RIC1: variants seen among roughly 807,000 people sequenced by gnomAD.
RIC1 encodes guanine nucleotide exchange factor subunit RIC1.
In RIC1, 88 loss-of-function variants were observed where a neutral mutation model predicts 169.0. The ratio of observed to expected loss-of-function variants is 0.52; its 90% CI spans 0.44 to 0.62. The LOEUF (loss-of-function observed/expected upper bound fraction) is 0.62. Among genes scored for constraint, RIC1 ranks in the 20% least tolerant of loss-of-function variants. The pLI is 0.00. For synonymous variants in RIC1, 790 were observed against 601.5 expected, an observed-to-expected ratio of 1.31 and a Z score of -4.59; for missense variants, 1,877 against 1,725.5, an observed-to-expected ratio of 1.09 and a Z score of -1.56.
At chr9:5,751,759 GATA>G (rs1657481330) in intron 12 of RIC1, among the ~76,000 whole-genome samples, 2 of 152,280 alleles carry the variant, frequency 1.3e-5, no homozygotes, top group Admixed American at 6.5e-5. Flanking sequence ...TAAAGCACTT[GATA>G]ATAAGTGAAG....
intron 4 of RIC1, among the ~76,000 whole-genome samples, chr9:5,717,288 G>C (rs530783022): frequency 6.6e-6 from 1 of 152,228 alleles, no homozygotes; most frequent in East Asian, 1.9e-4. Context: ...CAGATTACTG[G>C]AGGATAACTC....
chr9:5,686,640 G>T lies in RIC1; in HGVS notation c.253-3319G>T, dbSNP rs1167886294. ...TGGGGACTGTGGTGGGGTGGGGGGAGGGGGGAGGGATAGCACTGGGAGATA... is the reference window on the plus strand; with the variant it reads ...TGGGGACTGTGGTGGGGTGGGGGGATGGGGGAGGGATAGCACTGGGAGATA... On this transcript the variant is annotated intron_variant, in intron 2 of 25. Coordinates refer to ENST00000414202, the MANE Select transcript of RIC1 (RefSeq NM_020829.4). 3.3e-5 allele frequency among the ~76,000 whole-genome samples: 4 copies of T among 122,132 alleles called. No homozygotes were observed. The East Asian group carries it at 1.2e-3, about 36-fold the overall frequency. The allele number at this position is 122,132 out of a possible 152,430, so 80.1% of individuals were successfully genotyped here. A position where few individuals can be genotyped will look rare whatever the true frequency, so the allele number is the denominator to read the frequency against.
chr9:5,737,147 G>A (rs1469564718), intron 7 of RIC1, among the ~76,000 whole-genome samples: 1 of 152,156 alleles, frequency 6.6e-6, no homozygotes, highest in Non-Finnish European at 1.5e-5. Flanking sequence ...AATGCTGAAT[G>A]TGCATTAAAT....
intron 3 of RIC1, among the ~76,000 whole-genome samples, chr9:5,695,593 G>C (rs1279914531): frequency 2.4e-5 from 3 of 125,706 alleles, no homozygotes; most frequent in Non-Finnish European, 3.3e-5. Flanking sequence ...TTTTTTTTGA[G>C]ACAGAGTCTC....
At position 5,763,016 on chromosome 9, in the gene RIC1, C is replaced by A. The variant is rs1173991871; in HGVS notation, c.2113-124C>A. Reference sequence around the variant, plus strand: ...TATTAACTCTAATTCTAATTAGATCCCTTTGCTTTTCCCAAAAAAATATTA... The same window carrying A: ...TATTAACTCTAATTCTAATTAGATCACTTTGCTTTTCCCAAAAAAATATTA... On this transcript the variant is annotated intron_variant, in intron 18 of 25. Transcript: ENST00000414202. The surrounding 1 kb of genome is among the most constrained non-coding windows in gnomAD (Gnocchi z 5.2). The A allele has an allele frequency of 2.7e-6, 3 of 1,130,584 alleles. No individual in the cohort carries two copies. In the African/African-American group the frequency reaches 4.7e-5, roughly 18 times the overall value. The allele number at this position is 1,130,584 out of a possible 1,614,324, so 70.0% of individuals were successfully genotyped here.
chr9:5,744,358 A>G (rs1825259552), intron 10 of RIC1, among the ~76,000 whole-genome samples: 1 of 152,150 alleles, frequency 6.6e-6, no homozygotes. Context: ...ATATATATGT[A>G]TACAGTACCT....
chr9:5,725,303 G>A (rs1419627412), intron 6 of RIC1, among the ~76,000 whole-genome samples: 2 of 152,120 alleles, frequency 1.3e-5, no homozygotes, highest in African/African-American at 4.8e-5. Context: ...TATTTGTCCA[G>A]GAATTTATCC....
At chr9:5,766,396 T>C (rs1278436054) in intron 21 of RIC1, among the ~76,000 whole-genome samples, 2 of 152,290 alleles carry the variant, frequency 1.3e-5, no homozygotes, top group African/African-American at 4.8e-5. Flanking sequence ...GGTATTTGGT[T>C]ACATTAATAA....
chr9:5,721,092 C>T (rs2130867150), intron 6 of RIC1, among the ~76,000 whole-genome samples: 1 of 152,258 alleles, frequency 6.6e-6, no homozygotes, highest in Non-Finnish European at 1.5e-5. Context: ...TGACTTCTTA[C>T]TGTTGAAAGT....
Position 5,738,546 on chromosome 9 carries a change from T to C in RIC1, c.901+8T>C, listed in dbSNP as rs1381757423. The C allele has an allele frequency of 2.3e-5, 4 of 177,578 alleles. No homozygotes were observed. The South Asian group carries it at 2.7e-4, about 12-fold the overall frequency. The allele number at this position is 177,578 out of a possible 1,614,324, so 11.0% of individuals were successfully genotyped here. A position where few individuals can be genotyped will look rare whatever the true frequency, so the allele number is the denominator to read the frequency against. On this transcript the variant is annotated splice_region_variant and intron_variant, in intron 8 of 25. Coordinates refer to ENST00000414202, the MANE Select transcript of RIC1 (RefSeq NM_020829.4). ...CAGCAAAACAGTATCCTGGTGAGTC[T>C]TTTTTTTTTTTTTTTTTTTTAACAT...
intron 3 of RIC1, among the ~76,000 whole-genome samples, chr9:5,709,261 C>T (rs1476615976): frequency 6.6e-6 from 1 of 152,164 alleles, no homozygotes; most frequent in South Asian, 2.1e-4. Flanking sequence ...AAAACATTAA[C>T]ATTTACAGTG....
Position 5,763,610 on chromosome 9 carries a change from G to C in RIC1, c.2583G>C (p.Leu861=), listed in dbSNP as rs770178421. Residue 861 remains leucine, a synonymous_variant, in exon 19 of 26, where the codon CTG becomes CTC. Coordinates refer to ENST00000414202, the MANE Select transcript of RIC1 (RefSeq NM_020829.4). The surrounding 1 kb of genome is among the most constrained non-coding windows in gnomAD (Gnocchi z 5.2). ...CATLPYFPHV[L]ELMLHEVLEE... The stretch of plus-strand genomic sequence containing the variant: ...CATTACCTTACTTCCCTCATGTGCT[G>C]GAGCTCATGCTCCATGAAGTACTGG... The C allele has an allele frequency of 3.7e-6, 6 of 1,614,132 alleles. No homozygotes were observed. The highest frequency in any genetic ancestry group is 5.1e-6 in the Non-Finnish European group (6 of 1,180,026).
intron 2 of RIC1, among the ~76,000 whole-genome samples, chr9:5,680,924 T>G (rs1203497148): frequency 3.3e-4 from 48 of 143,414 alleles, no homozygotes; most frequent in Non-Finnish European, 6.2e-4. Flanking sequence ...CCTCCCGGGT[T>G]CACGCCATTC....
chr9:5,706,910 C>T (rs1202255681), intron 3 of RIC1, among the ~76,000 whole-genome samples: 2 of 152,026 alleles, frequency 1.3e-5, no homozygotes, highest in Non-Finnish European at 2.9e-5. Flanking sequence ...TTTCTATTCT[C>T]GATTTCATGT....
rs138926793 is a variant in RIC1 at position 5,703,862 on chromosome 9, C to G, written c.333-10034C>G. 6.9e-4 allele frequency among the ~76,000 whole-genome samples: 105 copies of G among 152,216 alleles called. 1 individual carries two copies. The highest frequency in any genetic ancestry group is 2.5e-3 in the African/African-American group (102 of 41,542). ...AGTGTTCATAGCAGTTGTTCATGTACAATTTGTATTTGAACACCTGTTTTC... is the reference window on the plus strand; with the variant it reads ...AGTGTTCATAGCAGTTGTTCATGTAGAATTTGTATTTGAACACCTGTTTTC... On this transcript the variant is annotated intron_variant, in intron 3 of 25. Coordinates refer to ENST00000414202, the MANE Select transcript of RIC1 (RefSeq NM_020829.4).
At chr9:5,652,433 A>C (rs1818855438) in intron 1 of RIC1, among the ~76,000 whole-genome samples, 1 of 151,784 alleles carries the variant, frequency 6.6e-6, no homozygotes, top group Non-Finnish European at 1.5e-5. Context: ...CTTCAATTAA[A>C]TTTTTTGTTC....
chr9:5,637,334 G>A (rs1443171523), intron 1 of RIC1, among the ~76,000 whole-genome samples: 1 of 152,074 alleles, frequency 6.6e-6, no homozygotes, highest in Non-Finnish European at 1.5e-5. Flanking sequence ...CTCCCAAAGT[G>A]CTGGGATTAC....
intron 16 of RIC1, among the ~76,000 whole-genome samples, 174 bp from the exon 17 acceptor site, chr9:5,757,139 G>T (rs1826059577): frequency 6.6e-6 from 1 of 151,852 alleles, no homozygotes; most frequent in African/African-American, 2.4e-5. Flanking sequence ...ATATACTCTG[G>T]TTCCCCTCAA....
At chr9:5,772,840 C>T in intron 24 of RIC1, 52 bp from the exon 25 acceptor site, 1 of 1,566,812 alleles carries the variant, frequency 6.4e-7, no homozygotes, top group Non-Finnish European at 8.7e-7. Flanking sequence ...CACTTCTGTA[C>T]ATCTTATAGA....
Sources: gnomAD v4.1 joint callset for allele counts (sites outside exome capture counted in the v4.1 genomes callset) on GRCh38, gnomAD v4.1.1 for gene constraint, Gnocchi (gnomAD v3.1) non-coding constraint, MANE v1.5 for transcripts, NCBI Gene and HGNC (gene_info 2026-07-23, HGNC 2026-07-21) for gene names.